Variants in FAR2 observed in about 807,000 individuals in gnomAD.
FAR2 encodes fatty acyl-CoA reductase 2.
FAR2 carries 19 observed loss-of-function variants against 56.0 expected under a neutral mutation model. The ratio of observed to expected loss-of-function variants is 0.34; its 90% confidence interval spans 0.24 to 0.50. FAR2 has a LOEUF of 0.50. Among genes scored for constraint, FAR2 ranks in the 20% least tolerant of loss-of-function variants. FAR2 has a pLI of 0.98. For synonymous variants in FAR2, 219 were observed against 218.8 expected (o/e 1.00, Z -0.01); for missense variants, 508 against 642.2 (o/e 0.79, Z 2.26).
chr12:29,290,263 T>C (rs9738165), intron 2 of FAR2, among the ~76,000 whole-genome samples: 80,177 of 151,838 alleles, frequency 0.53, 21,476 homozygotes, highest in East Asian at 0.62. Flanking sequence ...CTGGCCAACG[T>C]AGCGAAACCC....
intron 3 of FAR2, 151 bp downstream of exon 3, chr12:29,293,626 C>A: frequency 1.7e-6 from 1 of 579,808 alleles, no homozygotes; most frequent in Non-Finnish European, 2.6e-6. Context: ...TAGAAACAAC[C>A]ATTTACTATT....
intron 1 of FAR2, among the ~76,000 whole-genome samples, chr12:29,243,360 T>C (rs2136666943): frequency 6.6e-6 from 1 of 152,292 alleles, no homozygotes. Context: ...GCTTCCTGGA[T>C]TGTTTATTAC....
rs183917973 is a variant in FAR2, at chr12:29,174,909, G to A, written c.-39+25502G>A. Among the ~76,000 whole-genome samples, 413 of 152,270 alleles carry A rather than the reference G, an allele frequency of 2.7e-3. 3 individuals carry two copies. Among genetic ancestry groups the A allele is most frequent in the African/African-American group, 9.2e-3 (381 of 41,566 alleles). Reference sequence around the variant, plus strand: ...TCAACCAACTTGTTGTTGGGACCCCGAAGCTGAATGGCTTTCCTCTCTGGT... The same window carrying A: ...TCAACCAACTTGTTGTTGGGACCCCAAAGCTGAATGGCTTTCCTCTCTGGT... On this transcript the variant is annotated intron_variant, in intron 1 of 11. Transcript: ENST00000536681.
At position 29,298,036 on chromosome 12, in the gene FAR2, C is replaced by CAA. The variant is rs71042980; in HGVS notation, c.545+855_545+856dup. Among the ~76,000 whole-genome samples, 139 of 123,590 alleles carry CAA rather than the reference C, an allele frequency of 1.1e-3. 1 individual carries two copies. Among genetic ancestry groups the CAA allele is most frequent in the African/African-American group, 1.8e-3 (63 of 35,572 alleles). 81.1% of individuals were successfully genotyped at this position (123,590 alleles called of 152,430 possible). On this transcript the variant is annotated intron_variant, in intron 4 of 11. Transcript: ENST00000536681. ...GGGCAACAAGAGTGAAACTCCGTCT[C>CAA]AAAAAAAAAAAAAAAAAAAAGAACT...
intron 8 of FAR2, among the ~76,000 whole-genome samples, chr12:29,314,920 C>T (rs1050548019): frequency 6.6e-6 from 1 of 152,086 alleles, no homozygotes; most frequent in Non-Finnish European, 1.5e-5. Context: ...TGTTGCTGAG[C>T]TATTTATTCA....
intron 1 of FAR2, among the ~76,000 whole-genome samples, chr12:29,214,867 C>T (rs921109636): frequency 5.9e-5 from 9 of 151,558 alleles, no homozygotes; most frequent in African/African-American, 2.2e-4. Context: ...AAATAAAGAA[C>T]GTGAACATAG....
chr12:29,288,166 A>C (rs1213343219), intron 2 of FAR2, among the ~76,000 whole-genome samples: 2 of 152,214 alleles, frequency 1.3e-5, no homozygotes. Context: ...GAACACTCCC[A>C]AAGTTTCCAA....
At chr12:29,219,326 C>T (rs899185803) in intron 1 of FAR2, among the ~76,000 whole-genome samples, 1 of 152,150 alleles carries the variant, frequency 6.6e-6, no homozygotes, top group African/African-American at 2.4e-5. Context: ...TACTCTGCTG[C>T]TGGGATTGTA....
At chr12:29,237,810 TTCAG>T (rs1947963743) in intron 1 of FAR2, among the ~76,000 whole-genome samples, 1 of 152,192 alleles carries the variant, frequency 6.6e-6, no homozygotes, top group African/African-American at 2.4e-5. Context: ...TTTGGAGGAC[TTCAG>T]TCAGTCACTC....
At chr12:29,167,910 T>A (rs1949845112) in intron 1 of FAR2, among the ~76,000 whole-genome samples, 1 of 152,134 alleles carries the variant, frequency 6.6e-6, no homozygotes, top group Non-Finnish European at 1.5e-5. Flanking sequence ...AACAAGAACT[T>A]TAAGGATAGT....
chr12:29,162,140 A>G (rs1047325284), intron 1 of FAR2, among the ~76,000 whole-genome samples: 43 of 152,152 alleles, frequency 2.8e-4, no homozygotes, highest in Non-Finnish European at 5.1e-4. Flanking sequence ...TCAATTTATT[A>G]GTGGTGTTCT....
intron 1 of FAR2, chr12:29,156,372 A>G (rs548184386): frequency 2.6e-5 from 4 of 152,208 alleles, no homozygotes; most frequent in Non-Finnish European, 4.4e-5. Flanking sequence ...AGTCGTGACA[A>G]TGCCAGTTTT....
chr12:29,256,172 T>A (rs1320751584), intron 1 of FAR2, among the ~76,000 whole-genome samples: 1 of 151,956 alleles, frequency 6.6e-6, no homozygotes, highest in African/African-American at 2.4e-5. Flanking sequence ...GCACCCGGCC[T>A]TATTATATCT....
intron 2 of FAR2, chr12:29,280,381 A>G (rs1041456732): frequency 2.6e-5 from 4 of 152,230 alleles, no homozygotes; most frequent in African/African-American, 9.6e-5. Flanking sequence ...ATAGTTAGTC[A>G]TCATTTCATT....
chr12:29,231,753 ATATT>A (rs948744890), intron 1 of FAR2, among the ~76,000 whole-genome samples: 1 of 152,150 alleles, frequency 6.6e-6, no homozygotes, highest in Non-Finnish European at 1.5e-5. Context: ...AGATACTAGT[ATATT>A]TATTTGTATG....
chr12:29,197,661 TA>T (rs1950154386), intron 1 of FAR2, among the ~76,000 whole-genome samples: 1 of 152,210 alleles, frequency 6.6e-6, no homozygotes, highest in Non-Finnish European at 1.5e-5. Flanking sequence ...ACAAAAAGTT[TA>T]ATTAATATAT....
At chr12:29,161,347 C>T (rs1029368576) in intron 1 of FAR2, among the ~76,000 whole-genome samples, 1 of 152,180 alleles carries the variant, frequency 6.6e-6, no homozygotes, top group African/African-American at 2.4e-5. Flanking sequence ...TAGCCAAGTT[C>T]AAACATAGAT....
Position 29,322,043 on chromosome 12 carries a change from T to A in FAR2, c.1257+119T>A. On this transcript the variant is annotated intron_variant, in intron 10 of 11. Transcript: ENST00000536681. ...TTGGTTATAGACACAGATTTTGTTT[T>A]GCTTTGTTTTTCTAAGAAAATCAGT... The A allele has an allele frequency of 2.4e-6, 3 of 1,227,668 alleles. No homozygotes were observed. In the South Asian group the frequency reaches 5.4e-5, roughly 22 times the overall value. The allele number at this position is 1,227,668 out of a possible 1,614,324, so 76.0% of individuals were successfully genotyped here.
chr12:29,179,119 A>T (rs1949968156), intron 1 of FAR2, among the ~76,000 whole-genome samples: 1 of 152,130 alleles, frequency 6.6e-6, no homozygotes. Flanking sequence ...CACTCTAAAG[A>T]CCTCATTTTA....
Sources: gnomAD v4.1 joint callset for allele counts (sites outside exome capture counted in the v4.1 genomes callset) on GRCh38, gnomAD v4.1.1 for gene constraint, MANE v1.5 for transcripts, NCBI Gene and HGNC (gene_info 2026-07-23, HGNC 2026-07-21) for gene names.